Variants in PALD1 observed in about 807,000 individuals in gnomAD.
PALD1 encodes paladin.
Under a neutral mutation model 96.0 loss-of-function variants are expected in PALD1, and 57 were observed. The ratio of observed to expected loss-of-function variants is 0.59; its 90% CI spans 0.48 to 0.74. The LOEUF is 0.74. Among genes scored for constraint, PALD1 ranks in the 30% least tolerant of loss-of-function variants. The pLI is 0.00. For synonymous variants in PALD1, 464 were observed against 473.6 expected (o/e 0.98, Z 0.26); for missense variants, 1,063 against 1,143.7 (o/e 0.93, Z 1.02).
chr10:70,562,659 C>G (rs950489705), intron 18 of PALD1, among the ~76,000 whole-genome samples: 3 of 152,134 alleles, frequency 2.0e-5, no homozygotes, highest in African/African-American at 7.2e-5. Context: ...CTTCCTGGAG[C>G]AGGGAGAGCT....
chr10:70,470,568 AT>A, the PALD1 span, among the ~76,000 whole-genome samples: 1 of 142,392 alleles, frequency 7.0e-6, no homozygotes, highest in African/African-American at 2.8e-5. Context: ...TATATAATAA[AT>A]AATATTATTT....
chr10:70,543,183 C>T (rs193120217), intron 17 of PALD1, among the ~76,000 whole-genome samples: 79 of 151,828 alleles, frequency 5.2e-4, no homozygotes, highest in African/African-American at 1.8e-3. Flanking sequence ...GTTTATTGGC[C>T]ACTTGTATAT....
chr10:70,508,842 C>CGTGTGTGTGTGTGTGTGTGTGT (rs1236157281), intron 1 of PALD1, among the ~76,000 whole-genome samples: 1 of 22,356 alleles, frequency 4.5e-5, no homozygotes, highest in Non-Finnish European at 8.7e-5. Flanking sequence ...AGCTGCGGAA[C>CGTGTGTGTGTGTGTGTGTGTGT]CTGTGTGTGT....
chr10:70,501,190 G>T (rs779559767), intron 1 of PALD1, among the ~76,000 whole-genome samples: 1 of 152,186 alleles, frequency 6.6e-6, no homozygotes, highest in African/African-American at 2.4e-5. Flanking sequence ...CTGGGGTCAG[G>T]CCTCCAGACC....
At chr10:70,486,598 T>G (rs1846019870) in intron 1 of PALD1, among the ~76,000 whole-genome samples, 1 of 151,986 alleles carries the variant, frequency 6.6e-6, no homozygotes, top group Admixed American at 6.6e-5. Context: ...CCATCTCTAC[T>G]AATAATACAA....
the PALD1 span, among the ~76,000 whole-genome samples, chr10:70,460,418 G>A: frequency 9.9e-5 from 15 of 152,224 alleles, no homozygotes; most frequent in African/African-American, 3.1e-4. Context: ...AGTCATCTCC[G>A]GCTCCATTCA....
intron 1 of PALD1, among the ~76,000 whole-genome samples, chr10:70,502,154 G>A (rs893400876): frequency 2.6e-5 from 4 of 151,248 alleles, no homozygotes; most frequent in Non-Finnish European, 4.4e-5. Context: ...ACAGACTCCT[G>A]TATCCCATCA....
chr10:70,500,545 C>G (rs780187010), intron 1 of PALD1, among the ~76,000 whole-genome samples: 1 of 152,190 alleles, frequency 6.6e-6, no homozygotes, highest in Non-Finnish European at 1.5e-5. Context: ...GCTTCCTCCC[C>G]CTTCCGGTCT....
chr10:70,545,389 G>A (rs1847341236), intron 17 of PALD1, among the ~76,000 whole-genome samples: 1 of 151,962 alleles, frequency 6.6e-6, no homozygotes, highest in South Asian at 2.1e-4. Flanking sequence ...GGAGGAGGTG[G>A]AGACGCTGGT....
the PALD1 span, among the ~76,000 whole-genome samples, chr10:70,467,982 GGTCTGAGGACA>G: frequency 6.6e-6 from 1 of 152,048 alleles, no homozygotes; most frequent in South Asian, 2.1e-4. Context: ...CCATTGACGG[GGTCTGAGGACA>G]GTACCTTGTG....
At chr10:70,492,457 T>TTC (rs1846115577) in intron 1 of PALD1, among the ~76,000 whole-genome samples, 1 of 104,214 alleles carries the variant, frequency 9.6e-6, no homozygotes, top group African/African-American at 5.1e-5. Context: ...ACTTTTTTTT[T>TTC]TTTTTTTTTT....
chr10:70,538,010 C>A, intron 11 of PALD1, 104 bp downstream of exon 11: 1 of 928,420 alleles, frequency 1.1e-6, no homozygotes. Context: ...CCCAAGGAAC[C>A]GGGGAGGGAA....
At position 70,547,326 on chromosome 10, in the gene PALD1, G is replaced by A. The variant is rs1292127229; in HGVS notation, c.2142G>A (p.Gln714=). ...GEFQVVMKVV[Q]LLPDGHRVKK... is the part of the protein sequence containing the mutation. ...CCCAGGTAGTAATGAAGGTGGTGCA[G>A]CTGCTACCCGATGGGCACCGTGTGA... is the stretch of plus-strand genomic sequence containing the variant. Residue 714 remains glutamine, a synonymous_variant, in exon 18 of 20, where the codon CAG becomes CAA. Coordinates refer to ENST00000263563, the MANE Select transcript of PALD1 (RefSeq NM_014431.3). 6.2e-6 allele frequency: 10 copies of A among 1,613,522 alleles called. No homozygotes were observed. Among genetic ancestry groups the A allele is most frequent in the Non-Finnish European group, 7.6e-6 (9 of 1,179,670 alleles).
chr10:70,536,296 G>T (rs1479812380), intron 10 of PALD1, among the ~76,000 whole-genome samples: 1 of 151,520 alleles, frequency 6.6e-6, no homozygotes, highest in Non-Finnish European at 1.5e-5. Context: ...GCAAGACCCT[G>T]TCTCAAAAAA....
the PALD1 span, among the ~76,000 whole-genome samples, chr10:70,471,530 C>T: frequency 1.7e-4 from 26 of 152,206 alleles, no homozygotes; most frequent in Non-Finnish European, 1.2e-4. Context: ...AGCTCACATA[C>T]ATCTGCCTTG....
intron 2 of PALD1, among the ~76,000 whole-genome samples, chr10:70,526,578 C>G (rs904788609): frequency 2.8e-4 from 43 of 152,200 alleles, no homozygotes; most frequent in Admixed American, 1.5e-3. Flanking sequence ...TGCTAGTTGG[C>G]TGTCCTAATG....
Position 70,539,458 on chromosome 10 carries a change from T to TG in PALD1, c.1726-115dup, listed in dbSNP as rs957030335. ...GGGGGTGGCTGTGACCCCTGAGGCT[T>TG]GGGGGGGTCAGGGATGGGACTGGAA... On this transcript the variant is annotated intron_variant, in intron 14 of 19. Transcript: ENST00000263563. This position sits in a 1 kb window ranked among gnomAD's most constrained non-coding sequence, Gnocchi z 4.5. 3.7e-5 allele frequency: 39 copies of TG among 1,067,820 alleles called. No homozygotes were observed. The highest frequency in any genetic ancestry group is 1.1e-4 in the Admixed American group (4 of 35,048). The allele number at this position is 1,067,820 out of a possible 1,614,324, so 66.1% of individuals were successfully genotyped here.
At chr10:70,556,308 G>T (rs12775771) in intron 18 of PALD1, among the ~76,000 whole-genome samples, 1 of 68,230 alleles carries the variant, frequency 1.5e-5, no homozygotes, top group African/African-American at 5.2e-5. Flanking sequence ...CTCTCTCTCT[G>T]TCTCTGTCTC....
chr10:70,560,960 C>T (rs1847726914), intron 18 of PALD1, among the ~76,000 whole-genome samples: 1 of 152,070 alleles, frequency 6.6e-6, no homozygotes, highest in Non-Finnish European at 1.5e-5. Flanking sequence ...GTTAAGGAAA[C>T]CAGGGCCTTG....
Sources: allele counts gnomAD v4.1 joint callset (sites outside exome capture counted in the v4.1 genomes callset), GRCh38; gene constraint gnomAD v4.1.1; non-coding constraint Gnocchi (gnomAD v3.1); transcripts MANE v1.5; gene names NCBI Gene and HGNC (gene_info 2026-07-23, HGNC 2026-07-21).